Variants in PKIB observed in about 807,000 individuals in gnomAD.
PKIB encodes the protein cAMP-dependent protein kinase inhibitor beta, also known as PKI-beta.
A neutral mutation model predicts 4.5 loss-of-function variants in PKIB; 2 were observed. The observed-to-expected ratio is 0.44, with a 90% confidence interval of 0.18 to 1.39. The LOEUF (loss-of-function observed/expected upper bound fraction) is 1.39. Ranked by LOEUF, PKIB falls within the 40% of genes most tolerant of loss-of-function variation. The probability of loss-of-function intolerance (pLI) is 0.27; values close to 1 mark genes in which losing one functional copy is unlikely to be tolerated. For synonymous variants in PKIB, 38 were observed against 36.0 expected (o/e 1.06, Z -0.20); for missense variants, 94 against 92.6 (o/e 1.02, Z -0.06).
intron 2 of PKIB, among the ~76,000 whole-genome samples, chr6:122,582,722 T>C (rs1406316863): frequency 6.6e-6 from 1 of 152,070 alleles, no homozygotes; most frequent in Non-Finnish European, 1.5e-5. Context: ...AAGGAACTCA[T>C]GGCCAGGTTA....
chr6:122,475,809 A>C (rs1775439779), intron 1 of PKIB, among the ~76,000 whole-genome samples: 1 of 152,132 alleles, frequency 6.6e-6, no homozygotes, highest in South Asian at 2.1e-4. Context: ...AAAAATAAAT[A>C]ATCAATCCAT....
intron 3 of PKIB, among the ~76,000 whole-genome samples, chr6:122,588,806 T>C (rs1447829701): frequency 6.6e-6 from 1 of 152,136 alleles, no homozygotes; most frequent in Non-Finnish European, 1.5e-5. Flanking sequence ...TATATAAATT[T>C]CTGAGAAATA....
chr6:122,556,525 A>G (rs1281611029), intron 2 of PKIB, among the ~76,000 whole-genome samples: 1 of 152,220 alleles, frequency 6.6e-6, no homozygotes, highest in Non-Finnish European at 1.5e-5. Context: ...GAGTAGGACC[A>G]GAACAAAAGA....
chr6:122,603,955 A>G (rs1774451256), intron 3 of PKIB, among the ~76,000 whole-genome samples: 1 of 152,182 alleles, frequency 6.6e-6, no homozygotes, highest in Non-Finnish European at 1.5e-5. Context: ...AGGTGGGAGA[A>G]TGGTTAGTGT....
At chr6:122,651,879 T>C (rs1488374052) in intron 2 of PKIB, among the ~76,000 whole-genome samples, 1 of 152,192 alleles carries the variant, frequency 6.6e-6, no homozygotes, top group Non-Finnish European at 1.5e-5. Context: ...TCATACTCTT[T>C]AGTTTGGCTA....
rs528331229 is a variant in PKIB at position 122,563,036 on chromosome 6, C to CT, written c.-247-22877dup. Among the ~76,000 whole-genome samples, 6 of 151,862 alleles carry CT rather than the reference C, an allele frequency of 4.0e-5. No individual in the cohort carries two copies. The South Asian group carries it at 1.0e-3, about 26-fold the overall frequency. On this transcript the variant is annotated intron_variant, in intron 2 of 6. Transcript: ENST00000392491. Reference sequence around the variant, plus strand: ...GTGATTTTTCACGGGTGTTGAAGAGCTTTTTTTTGTCATATTACCAGGGTT... The same window carrying CT: ...GTGATTTTTCACGGGTGTTGAAGAGCTTTTTTTTTGTCATATTACCAGGGTT...
intron 2 of PKIB, among the ~76,000 whole-genome samples, chr6:122,549,332 AT>A (rs1292206652): frequency 6.6e-6 from 1 of 152,106 alleles, no homozygotes; most frequent in Non-Finnish European, 1.5e-5. Context: ...CTGTAAAAAC[AT>A]TTTTTTCCAA....
intron 2 of PKIB, among the ~76,000 whole-genome samples, chr6:122,549,560 A>C (rs1772607873): frequency 1.3e-5 from 2 of 152,118 alleles, no homozygotes; most frequent in South Asian, 4.1e-4. Context: ...GTATTCAGTC[A>C]ATTCTTAACA....
chr6:122,576,689 A>AT (rs1554221325), intron 2 of PKIB, among the ~76,000 whole-genome samples: 12 of 34,318 alleles, frequency 3.5e-4, no homozygotes, highest in African/African-American at 1.3e-3. Flanking sequence ...AAAAAAAAAA[A>AT]ATATATATAT....
intron 2 of PKIB, among the ~76,000 whole-genome samples, chr6:122,639,658 GCTAA>G (rs1776052523): frequency 6.6e-6 from 1 of 152,096 alleles, no homozygotes; most frequent in Non-Finnish European, 1.5e-5. Context: ...GAGAAGATGC[GCTAA>G]CTTTCTTCAA....
chr6:122,626,370 G>T (rs759702134), intron 1 of PKIB, among the ~76,000 whole-genome samples: 1 of 152,168 alleles, frequency 6.6e-6, no homozygotes, highest in Non-Finnish European at 1.5e-5. Context: ...AATACCTACA[G>T]TATATTGTCC....
rs1454351743 is a variant in PKIB at position 122,633,268 on chromosome 6, C to T, written c.-160-15C>T. 6.6e-6 allele frequency: 1 copy of T among 152,132 alleles called. No homozygotes were observed. The highest frequency in any genetic ancestry group is 1.5e-5 in the Non-Finnish European group (1 of 68,014). The allele number at this position is 152,132 out of a possible 1,614,324, so 9.4% of individuals were successfully genotyped here. On this transcript the variant is annotated splice_polypyrimidine_tract_variant and intron_variant, in intron 1 of 4. Coordinates refer to ENST00000368452, the MANE Select transcript of PKIB (RefSeq NM_181795.3). ...TTTATCTTAATAAATCTGTTCCTGC[C>T]TTTGTTTCCTTCAGGAGTCATGCTA... is the stretch of plus-strand genomic sequence containing the variant.
chr6:122,656,140 A>T (rs1380958460), intron 2 of PKIB, among the ~76,000 whole-genome samples: 1 of 152,132 alleles, frequency 6.6e-6, no homozygotes, highest in African/African-American at 2.4e-5. Context: ...TTTATATATA[A>T]AAACAATTGA....
At chr6:122,616,115 T>G (rs1774975067) in intron 1 of PKIB, among the ~76,000 whole-genome samples, 2 of 152,038 alleles carry the variant, frequency 1.3e-5, no homozygotes, top group Admixed American at 1.3e-4. Context: ...TGATGAGATC[T>G]CCTATGGGAA....
chr6:122,656,732 A>G (rs377283878), intron 2 of PKIB, among the ~76,000 whole-genome samples: 2 of 152,214 alleles, frequency 1.3e-5, no homozygotes, highest in African/African-American at 4.8e-5. Context: ...TTATGGATGT[A>G]GTACTGAGGA....
At chr6:122,493,993 G>A (rs1776009091) in intron 2 of PKIB, among the ~76,000 whole-genome samples, 1 of 152,060 alleles carries the variant, frequency 6.6e-6, no homozygotes. Context: ...ATTTTATTAA[G>A]TTGTCCTTAA....
At chr6:122,537,631 A>G (rs907249125) in intron 2 of PKIB, among the ~76,000 whole-genome samples, 7 of 152,178 alleles carry the variant, frequency 4.6e-5, no homozygotes, top group Non-Finnish European at 7.3e-5. Context: ...TAGTGCCACA[A>G]TAAACATACG....
chr6:122,677,847 C>T (rs920881542), intron 3 of PKIB, among the ~76,000 whole-genome samples: 1 of 25,870 alleles, frequency 3.9e-5, no homozygotes, highest in African/African-American at 8.5e-5. Context: ...TCTTTTCTTC[C>T]TTCCTTCCTT....
At chr6:122,514,717 C>T (rs1469888640) in intron 2 of PKIB, among the ~76,000 whole-genome samples, 3 of 151,928 alleles carry the variant, frequency 2.0e-5, no homozygotes, top group Non-Finnish European at 4.4e-5. Flanking sequence ...TTCTCAAGTC[C>T]TTTTATTATT....
Sources: gnomAD v4.1 joint callset for allele counts (sites outside exome capture counted in the v4.1 genomes callset) on GRCh38, gnomAD v4.1.1 for gene constraint, MANE v1.5 for transcripts, NCBI Gene and HGNC (gene_info 2026-07-23, HGNC 2026-07-21) for gene names.